MBD2: variants seen among roughly 807,000 people sequenced by gnomAD.
MBD2 encodes the protein methyl-CpG-binding domain protein 2.
Under a neutral mutation model 39.3 loss-of-function variants are expected in MBD2, and 9 were observed. The ratio of observed to expected loss-of-function variants is 0.23; its 90% CI spans 0.14 to 0.40. The LOEUF is 0.40. Ranked by LOEUF, MBD2 falls within the 10% of genes least tolerant of loss-of-function variation. MBD2 has a pLI of 1.00. For synonymous variants in MBD2, 233 were observed against 211.1 expected (o/e 1.10, Z -0.90); for missense variants, 458 against 532.6 (o/e 0.86, Z 1.38).
In MBD2 at chr18:54,214,875, G is replaced by A. The variant is rs191894205; in HGVS notation, c.542+9143C>T. ...CTGCCTCAGCCTCCCTAGTAGCTGG[G>A]ACGACAGGCGCCCGCCAACAGGCCC... is the stretch of plus-strand genomic sequence containing the variant. On this transcript the variant is annotated intron_variant, in intron 1 of 6. Transcript: ENST00000256429. Among the ~76,000 whole-genome samples the A allele has an allele frequency of 4.5e-3, 681 of 152,068 alleles. 12 individuals carry two copies. The highest frequency in any genetic ancestry group is 3.0e-3 in the Non-Finnish European group (202 of 67,994).
chr18:54,183,258 GAC>G (rs1365179948), intron 3 of MBD2, among the ~76,000 whole-genome samples: 1 of 152,176 alleles, frequency 6.6e-6, no homozygotes, highest in Non-Finnish European at 1.5e-5. Flanking sequence ...TAGGAGAATT[GAC>G]ACAAACGACT....
chr18:54,219,993 G>C (rs1029433582), intron 1 of MBD2, among the ~76,000 whole-genome samples: 5 of 152,120 alleles, frequency 3.3e-5, no homozygotes, highest in Non-Finnish European at 7.4e-5. Flanking sequence ...AGTAGAAACA[G>C]GGTTTCATCA....
At chr18:54,156,040 G>A (rs946397498) in intron 6 of MBD2, among the ~76,000 whole-genome samples, 2 of 152,148 alleles carry the variant, frequency 1.3e-5, no homozygotes, top group Non-Finnish European at 2.9e-5. Context: ...GGCATGATGA[G>A]GCTGGCCGAC....
intron 3 of MBD2, among the ~76,000 whole-genome samples, chr18:54,177,680 A>T (rs1380137918): frequency 6.6e-6 from 1 of 151,550 alleles, no homozygotes; most frequent in Non-Finnish European, 1.5e-5. Context: ...CGGGGGTTTC[A>T]CTGTGTTAGC....
chr18:54,174,281 C>G (rs2086196418), intron 3 of MBD2, among the ~76,000 whole-genome samples: 1 of 152,192 alleles, frequency 6.6e-6, no homozygotes, highest in Non-Finnish European at 1.5e-5. Context: ...AAAATCATGT[C>G]TAGTTGAGAA....
chr18:54,195,493 A>G lies in MBD2; in HGVS notation c.703-6482T>C, dbSNP rs879270521. On this transcript the variant is annotated intron_variant, in intron 2 of 6. Coordinates refer to ENST00000256429, the MANE Select transcript of MBD2 (RefSeq NM_003927.5). Reference sequence around the variant, plus strand: ...CCGCACACTCCCCAAAAGATACTCCAATTTGAGAAGCAGAGACTATATCTC... The same window carrying G: ...CCGCACACTCCCCAAAAGATACTCCGATTTGAGAAGCAGAGACTATATCTC... Among the ~76,000 whole-genome samples the G allele has an allele frequency of 7.9e-5, 12 of 152,232 alleles. 1 individual carries two copies. Among genetic ancestry groups the G allele is most frequent in the Admixed American group, 7.8e-4 (12 of 15,288 alleles).
rs540749358 is a variant in MBD2, at chr18:54,188,784, C to A, written c.840+90G>T. 11 of 1,352,436 alleles carry A rather than the reference C, an allele frequency of 8.1e-6. No individual in the cohort carries two copies. In the African/African-American group the frequency reaches 1.3e-4, roughly 16 times the overall value. The allele number at this position is 1,352,436 out of a possible 1,614,324, so 83.8% of individuals were successfully genotyped here. A position where few individuals can be genotyped will look rare whatever the true frequency, so the allele number is the denominator to read the frequency against. On this transcript the variant is annotated intron_variant, in intron 3 of 6. Coordinates refer to ENST00000256429, the MANE Select transcript of MBD2 (RefSeq NM_003927.5). ...AATAATTTTCTTTCCAAATATACTC[C>A]ATTTTAACCAGAATTTATTTGAATT...
Position 54,224,374 on chromosome 18 carries a change from C to T in MBD2, c.186G>A (p.Gly62=), listed in dbSNP as rs566850076. The change falls in exon 1 of 7, where the codon GGG becomes GGA. Residue 62 remains glycine, a synonymous_variant. Transcript: ENST00000256429. ...CGCCCCGGCCCGCCTGCTTCCACCG[C>T]CCCCGGCCACGGCCGCCGCCCCGAG... ...EGARGGGRGR[G]RWKQAGRGGG... is the part of the protein sequence containing the mutation. 8 of 1,209,718 alleles carry T rather than the reference C, an allele frequency of 6.6e-6. No individual in the cohort carries two copies. Among genetic ancestry groups the T allele is most frequent in the Non-Finnish European group, 8.2e-6 (8 of 971,806 alleles). The allele number at this position is 1,209,718 out of a possible 1,614,324, so 74.9% of individuals were successfully genotyped here.
At chr18:54,174,778 C>G (rs998597975) in intron 3 of MBD2, among the ~76,000 whole-genome samples, 5 of 152,148 alleles carry the variant, frequency 3.3e-5, no homozygotes, top group Non-Finnish European at 7.4e-5. Flanking sequence ...AATTTTATAT[C>G]ACAACCTATA....
chr18:54,202,290 T>TG (rs1189409235), intron 2 of MBD2, among the ~76,000 whole-genome samples: 2 of 152,108 alleles, frequency 1.3e-5, no homozygotes, highest in African/African-American at 4.8e-5. Context: ...ATCACCCCAC[T>TG]GCACTCCAGC....
intron 5 of MBD2, among the ~76,000 whole-genome samples, chr18:54,163,141 G>C (rs994643181): frequency 6.6e-6 from 1 of 151,998 alleles, no homozygotes; most frequent in African/African-American, 2.4e-5. Flanking sequence ...GTATAGTGGC[G>C]CTCGCCTGTA....
chr18:54,172,468 T>C (rs1244894710), intron 3 of MBD2, among the ~76,000 whole-genome samples: 1 of 152,202 alleles, frequency 6.6e-6, no homozygotes, highest in Non-Finnish European at 1.5e-5. Flanking sequence ...GATTTGCATA[T>C]ATAACTGAAG....
intron 2 of MBD2, among the ~76,000 whole-genome samples, chr18:54,199,264 T>A (rs2086388514): frequency 1.3e-5 from 2 of 152,220 alleles, no homozygotes; most frequent in African/African-American, 4.8e-5. Flanking sequence ...CACCAGTTGC[T>A]TCATAATTTA....
intron 1 of MBD2, among the ~76,000 whole-genome samples, chr18:54,209,375 T>C (rs1054594128): frequency 6.6e-6 from 1 of 151,572 alleles, no homozygotes; most frequent in Admixed American, 6.6e-5. Flanking sequence ...ATAAACTAAG[T>C]TGGCAATGAA....
Position 54,224,192 on chromosome 18 carries a change from C to CG in MBD2, c.367dup (p.Arg123ProfsTer63). 1.6e-6 allele frequency: 2 copies of CG among 1,215,662 alleles called. No individual in the cohort carries two copies. Among genetic ancestry groups the CG allele is most frequent in the Non-Finnish European group, 2.0e-6 (2 of 978,714 alleles). The allele number at this position is 1,215,662 out of a possible 1,614,324, so 75.3% of individuals were successfully genotyped here. ...CGACGGGAAAGGGACCGGCTCCCGC[C>CG]GGGGGGCGCCGCCGCCACCGCTGCC... On this transcript the variant is annotated frameshift_variant, in exon 1 of 7. Coordinates refer to ENST00000256429, the MANE Select transcript of MBD2 (RefSeq NM_003927.5). LOFTEE classifies it high-confidence loss of function.
rs2086640370 is a variant in MBD2 at position 54,224,209 on chromosome 18, A to C, written c.351T>G (p.Gly117=). The C allele has an allele frequency of 1.2e-5, 14 of 1,160,790 alleles. No homozygotes were observed. The highest frequency in any genetic ancestry group is 1.5e-5 in the Non-Finnish European group (14 of 945,634). The allele number at this position is 1,160,790 out of a possible 1,614,324, so 71.9% of individuals were successfully genotyped here. The change falls in exon 1 of 7, where the codon GGT becomes GGG. Residue 117 remains glycine (G), a synonymous_variant. Transcript: ENST00000256429. ...DGGGCGGGGS[G]GGGAPRREPV... Reference sequence around the variant, plus strand: ...GCTCCCGCCGGGGGGCGCCGCCGCCACCGCTGCCGCCGCCGCCGCAGCCGC... The same window carrying C: ...GCTCCCGCCGGGGGGCGCCGCCGCCCCCGCTGCCGCCGCCGCCGCAGCCGC...
chr18:54,201,262 T>C (rs1350106654), intron 2 of MBD2, among the ~76,000 whole-genome samples: 1 of 152,202 alleles, frequency 6.6e-6, no homozygotes, highest in African/African-American at 2.4e-5. Flanking sequence ...ACTGTGCTGA[T>C]GACTTCCAAA....
chr18:54,218,635 A>G (rs2086582299), intron 1 of MBD2, among the ~76,000 whole-genome samples: 1 of 151,486 alleles, frequency 6.6e-6, no homozygotes. Flanking sequence ...TGTAAAATGG[A>G]GATAACTGTA....
intron 2 of MBD2, among the ~76,000 whole-genome samples, chr18:54,198,275 A>T (rs1338070198): frequency 6.6e-6 from 1 of 152,206 alleles, no homozygotes; most frequent in Non-Finnish European, 1.5e-5. Context: ...AGTCAAACAA[A>T]TGCCTAATCT....
Sources: gnomAD v4.1 joint callset for allele counts (sites outside exome capture counted in the v4.1 genomes callset) on GRCh38, gnomAD v4.1.1 for gene constraint, MANE v1.5 for transcripts, NCBI Gene and HGNC (gene_info 2026-07-23, HGNC 2026-07-21) for gene names.